NSMCE2: variants seen among roughly 807,000 people sequenced by gnomAD.
NSMCE2 encodes NSE2 SUMO ligase component of SMC5/6 complex.
In NSMCE2, 24 loss-of-function variants were observed where a neutral mutation model predicts 23.8. That is an observed-to-expected ratio of 1.01 (90% CI 0.73 to 1.42). The LOEUF (loss-of-function observed/expected upper bound fraction) is 1.42. Among genes scored for constraint, NSMCE2 ranks in the 40% most tolerant of loss-of-function variants. The pLI is 0.00. For missense variants in NSMCE2, 284 were observed against 296.5 expected, an observed-to-expected ratio of 0.96 and a Z score of 0.31; for synonymous variants, 92 against 94.1, an observed-to-expected ratio of 0.98 and a Z score of 0.13.
chr8:125,349,100 T>A (rs1812919827), intron 5 of NSMCE2, among the ~76,000 whole-genome samples: 1 of 151,684 alleles, frequency 6.6e-6, no homozygotes, highest in Admixed American at 6.6e-5. Context: ...CTGAGCCTGC[T>A]GAATATCTCT....
At chr8:125,145,996 A>C (rs1820653876) in intron 3 of NSMCE2, among the ~76,000 whole-genome samples, 1 of 152,214 alleles carries the variant, frequency 6.6e-6, no homozygotes, top group African/African-American at 2.4e-5. Flanking sequence ...AAAACTTATT[A>C]ATCTTCAAAA....
chr8:125,208,130 ATG>A (rs144227812), intron 5 of NSMCE2, among the ~76,000 whole-genome samples: 3 of 152,078 alleles, frequency 2.0e-5, no homozygotes, highest in African/African-American at 4.8e-5. Flanking sequence ...CATTGACTGT[ATG>A]TGTGTGTGTG....
chr8:125,156,390 CTCTT>C (rs1440227303), intron 4 of NSMCE2: 15 of 153,866 alleles, frequency 9.7e-5, no homozygotes, highest in Admixed American at 2.6e-4. Context: ...CTCTAATACC[CTCTT>C]TTATGCTCTT....
At position 125,366,745 on chromosome 8, in the gene NSMCE2, TTGA is replaced by T; in HGVS notation, c.627-20_627-18del. 3 of 1,375,342 alleles carry T rather than the reference TTGA, an allele frequency of 2.2e-6. No individual in the cohort carries two copies. Among genetic ancestry groups the T allele is most frequent in the South Asian group, 1.2e-5 (1 of 86,200 alleles). The allele number at this position is 1,375,342 out of a possible 1,614,324, so 85.2% of individuals were successfully genotyped here. A position where few individuals can be genotyped will look rare whatever the true frequency, so the allele number is the denominator to read the frequency against. Reference sequence around the variant, plus strand: ...GCTTAAGGCAGTAAAGGGGACTGACTTGATGTTCTTTCTTTCTCACAGTTGCCC... The same window carrying T: ...GCTTAAGGCAGTAAAGGGGACTGACTTGTTCTTTCTTTCTCACAGTTGCCC... On this transcript the variant is annotated intron_variant, in intron 7 of 7. Coordinates refer to ENST00000287437, the MANE Select transcript of NSMCE2 (RefSeq NM_173685.4).
At chr8:125,309,248 CAAAAAAAAAA>C (rs111355815) in intron 5 of NSMCE2, among the ~76,000 whole-genome samples, 1,399 of 65,570 alleles carry the variant, frequency 0.021, 33 homozygotes, top group African/African-American at 0.053. Context: ...AACTCTGTCT[CAAAAAAAAAA>C]AAAAAAAAAA....
chr8:125,203,345 A>G (rs569552593), intron 5 of NSMCE2, among the ~76,000 whole-genome samples: 2 of 152,198 alleles, frequency 1.3e-5, no homozygotes, highest in East Asian at 3.9e-4. Context: ...TTGCATAACT[A>G]ATATCTAGAA....
At chr8:125,139,440 A>G (rs1018612909) in intron 3 of NSMCE2, among the ~76,000 whole-genome samples, 1 of 152,190 alleles carries the variant, frequency 6.6e-6, no homozygotes, top group African/African-American at 2.4e-5. Context: ...TAATAAAGAC[A>G]TACCGGAGAC....
chr8:125,362,455 T>C (rs1187087974), intron 7 of NSMCE2, among the ~76,000 whole-genome samples: 1 of 152,174 alleles, frequency 6.6e-6, no homozygotes, highest in East Asian at 1.9e-4. Context: ...TGCAGCTGGC[T>C]CCTCTCCACG....
intron 5 of NSMCE2, among the ~76,000 whole-genome samples, chr8:125,252,371 A>G (rs1826230996): frequency 6.6e-6 from 1 of 152,124 alleles, no homozygotes; most frequent in Non-Finnish European, 1.5e-5. Context: ...TACTAAAAAT[A>G]CAAAAATTAG....
Position 125,137,392 on chromosome 8 carries a change from G to T in NSMCE2, c.158-13779G>T, listed in dbSNP as rs540370871. Among the ~76,000 whole-genome samples, 9 of 152,244 alleles carry T rather than the reference G, an allele frequency of 5.9e-5. No homozygotes were observed. The South Asian group carries it at 1.9e-3, about 32-fold the overall frequency. ...TTCATTAACTTTCTGTTTTAAAGGA[G>T]GCTGACCCTATTCGTATCTTTTTCT... On this transcript the variant is annotated intron_variant, in intron 3 of 7. Transcript: ENST00000287437.
chr8:125,169,581 A>G (rs190728380), intron 4 of NSMCE2, among the ~76,000 whole-genome samples: 15 of 152,042 alleles, frequency 9.9e-5, no homozygotes, highest in Admixed American at 4.6e-4. Context: ...TCCATCTCCA[A>G]ATTTTCCTGC....
chr8:125,344,697 T>G (rs1227002378), intron 5 of NSMCE2, among the ~76,000 whole-genome samples: 1 of 149,804 alleles, frequency 6.7e-6, no homozygotes, highest in Non-Finnish European at 1.5e-5. Context: ...GAGCCAAGAT[T>G]GCACCACTGC....
chr8:125,126,045 C>T (rs1203377032), intron 3 of NSMCE2, among the ~76,000 whole-genome samples: 4 of 152,084 alleles, frequency 2.6e-5, no homozygotes, highest in Admixed American at 2.0e-4. Flanking sequence ...CCTCAATCTT[C>T]CAGGGTTTTG....
intron 4 of NSMCE2, among the ~76,000 whole-genome samples, chr8:125,176,347 C>G (rs1822492032): frequency 6.6e-6 from 1 of 152,186 alleles, no homozygotes; most frequent in Admixed American, 6.5e-5. Flanking sequence ...AAATTCCTTC[C>G]TAAACTTTGT....
At chr8:125,262,588 A>G (rs1034367277) in intron 5 of NSMCE2, among the ~76,000 whole-genome samples, 3 of 152,216 alleles carry the variant, frequency 2.0e-5, no homozygotes, top group Admixed American at 2.0e-4. Context: ...GCAAGAATAA[A>G]TAAGACAGTC....
intron 5 of NSMCE2, among the ~76,000 whole-genome samples, chr8:125,226,458 G>A (rs1003889602): frequency 3.3e-5 from 5 of 152,116 alleles, no homozygotes; most frequent in Non-Finnish European, 7.4e-5. Flanking sequence ...AAGCGGAGAG[G>A]TGTACAGCTG....
chr8:125,304,729 G>A (rs1489359764), intron 5 of NSMCE2, among the ~76,000 whole-genome samples: 1 of 151,520 alleles, frequency 6.6e-6, no homozygotes, highest in Non-Finnish European at 1.5e-5. Context: ...TGGTAGCATG[G>A]GCCTGTAATC....
At chr8:125,363,563 G>A (rs558131117) in intron 7 of NSMCE2, among the ~76,000 whole-genome samples, 3 of 135,036 alleles carry the variant, frequency 2.2e-5, no homozygotes, top group African/African-American at 8.7e-5. Flanking sequence ...AGAGAGAGAG[G>A]GAGGGAGGGG....
intron 5 of NSMCE2, among the ~76,000 whole-genome samples, chr8:125,314,625 A>G (rs556309412): frequency 5.3e-5 from 8 of 152,210 alleles, no homozygotes; most frequent in Middle Eastern, 3.2e-3. Context: ...TCACTCCCTG[A>G]AAACAACCAA....
Sources: allele counts gnomAD v4.1 joint callset (sites outside exome capture counted in the v4.1 genomes callset), GRCh38; gene constraint gnomAD v4.1.1; transcripts MANE v1.5; gene names NCBI Gene and HGNC (gene_info 2026-07-23, HGNC 2026-07-21).